GZMK: variants seen among roughly 807,000 people sequenced by gnomAD.
The protein encoded by GZMK is NK-Tryp-2.
Under a neutral mutation model 22.8 loss-of-function variants are expected in GZMK, and 18 were observed. That is an observed-to-expected ratio of 0.79 (90% confidence interval 0.54 to 1.17). GZMK has a LOEUF of 1.17. GZMK is among the 50% of genes most tolerant of loss of function. The probability of loss-of-function intolerance (pLI) is 0.00; values close to 1 mark genes in which losing one functional copy is unlikely to be tolerated. For missense variants in GZMK, 342 were observed against 320.2 expected (o/e 1.07, Z -0.52); for synonymous variants, 136 against 115.0 (o/e 1.18, Z -1.17).
In GZMK at chr5:55,033,895, A is replaced by G. The variant is rs1741276248; in HGVS notation, c.764A>G (p.Lys255Arg). ...ACCAAGAAATACCAGACTTGGATCA[A>G]AAGCAACCTTGTCCCGCCTCATACA... The part of the protein sequence containing the change: ...LLTKKYQTWI[K>R]SNLVPPHTN Residue 255 changes from lysine (K) to arginine (R), a missense_variant, in exon 5 of 5, where the codon AAA becomes AGA. Coordinates refer to ENST00000231009, the MANE Select transcript of GZMK (RefSeq NM_002104.3). 6.2e-7 allele frequency: 1 copy of G among 1,612,386 alleles called. No homozygotes were observed.
chr5:55,031,199 A>G (rs555620476), intron 3 of GZMK, among the ~76,000 whole-genome samples, 165 bp from the exon 4 acceptor site: 2 of 152,352 alleles, frequency 1.3e-5, no homozygotes, highest in Admixed American at 6.5e-5. Context: ...AGTAGAGAGC[A>G]TGGTCAGAAA....
Position 55,024,292 on chromosome 5 carries a change from C to T in GZMK, c.-31C>T, listed in dbSNP as rs1741108978. On this transcript the variant is annotated 5_prime_UTR_variant, in exon 1 of 5. Coordinates refer to ENST00000231009, the MANE Select transcript of GZMK (RefSeq NM_002104.3). ...CCTTCATCACAGGATCAACACATTT[C>T]ATCTGGGCTTCTTAAATCTAAATCT... 2 of 1,034,058 alleles carry T rather than the reference C, an allele frequency of 1.9e-6. No individual in the cohort carries two copies. The highest frequency in any genetic ancestry group is 2.0e-4 in the Middle Eastern group (1 of 4,932). The allele number at this position is 1,034,058 out of a possible 1,614,324, so 64.1% of individuals were successfully genotyped here.
rs573855509 is a variant in GZMK, at chr5:55,031,612, A to G, written c.612A>G (p.Lys204=). 6.2e-7 allele frequency: 1 copy of G among 1,613,482 alleles called. No homozygotes were observed. Among genetic ancestry groups the G allele is most frequent in the African/African-American group, 1.3e-5 (1 of 75,040 alleles). The change falls in exon 4 of 5, where the codon AAA becomes AAG. Residue 204 remains lysine, a synonymous_variant. Transcript: ENST00000231009. ...ACATGGTCTGTGCAGGAGATGCCAA[A>G]GGCCAGAAGGATTCCTGTAAGGTAA... is the stretch of plus-strand genomic sequence containing the variant. ...TKDMVCAGDA[K]GQKDSCKGDS...
At chr5:55,026,749 C>T (rs1318051885) in intron 2 of GZMK, 4 of 152,134 alleles carry the variant, frequency 2.6e-5, no homozygotes, top group African/African-American at 9.7e-5. Context: ...ATTCTGGCCC[C>T]TTTATTAGTT....
intron 2 of GZMK, among the ~76,000 whole-genome samples, chr5:55,026,554 A>T (rs1010558471): frequency 6.6e-6 from 1 of 152,188 alleles, no homozygotes; most frequent in African/African-American, 2.4e-5. Context: ...TGGTTGGAAA[A>T]ATATTAAGCT....
intron 2 of GZMK, chr5:55,028,724 A>G (rs529962143): frequency 6.6e-6 from 1 of 152,360 alleles, no homozygotes; most frequent in African/African-American, 2.4e-5. Context: ...ACAAACAAAT[A>G]CAATTAAAAG....
intron 3 of GZMK, 48 bp downstream of exon 3, chr5:55,030,632 AG>A: frequency 6.9e-7 from 1 of 1,443,692 alleles, no homozygotes; most frequent in Non-Finnish European, 9.7e-7. Flanking sequence ...ATTTTTATAC[AG>A]GATGGCTCAA....
chr5:55,024,963 G>C, intron 2 of GZMK, 156 bp downstream of exon 2: 3 of 500,828 alleles, frequency 6.0e-6, no homozygotes, highest in Non-Finnish European at 7.0e-6. Flanking sequence ...CCACATCCAC[G>C]CTTTCTGTCT....
At chr5:55,028,205 C>G (rs1227400138) in intron 2 of GZMK, 1 of 152,130 alleles carries the variant, frequency 6.6e-6, no homozygotes, top group Non-Finnish European at 1.5e-5. Context: ...CCCTCCATAC[C>G]TCTCATTTGT....
In GZMK at chr5:55,034,007, G is replaced by A; in HGVS notation, c.*81G>A. 1 of 1,074,352 alleles carries A rather than the reference G, an allele frequency of 9.3e-7. No individual in the cohort carries two copies. The highest frequency in any genetic ancestry group is 1.4e-6 in the Non-Finnish European group (1 of 738,932). 66.6% of individuals were successfully genotyped at this position (1,074,352 alleles called of 1,614,324 possible). ...GTTAGAGTTGGGTGTAAGTAAAGCA[G>A]AGCACATATGGGGTCCATTTTTGCA... On this transcript the variant is annotated 3_prime_UTR_variant, in exon 5 of 5. Transcript: ENST00000231009.
At chr5:55,032,944 T>A (rs1364033448) in intron 4 of GZMK, among the ~76,000 whole-genome samples, 2 of 152,206 alleles carry the variant, frequency 1.3e-5, no homozygotes, top group African/African-American at 4.8e-5. Context: ...AAATGTCTTG[T>A]GCATCTGCAG....
chr5:55,030,424 C>CT lies in GZMK; in HGVS notation c.213-3dup, dbSNP rs770582420. The CT allele has an allele frequency of 6.2e-7, 1 of 1,611,506 alleles. No individual in the cohort carries two copies. Among genetic ancestry groups the CT allele is most frequent in the Non-Finnish European group, 8.5e-7 (1 of 1,179,100 alleles). On this transcript the variant is annotated splice_polypyrimidine_tract_variant and intron_variant, in intron 2 of 4. Coordinates refer to ENST00000231009, the MANE Select transcript of GZMK (RefSeq NM_002104.3). ...CATTCTGCTGCTTTCATTGTCTTTGCTTTTTTTAGGTTTACCAAAGGCCAG... is the reference window on the plus strand; with the variant it reads ...CATTCTGCTGCTTTCATTGTCTTTGCTTTTTTTTAGGTTTACCAAAGGCCAG...
At position 55,031,505 on chromosome 5, in the gene GZMK, C is replaced by T. The variant is rs372763068; in HGVS notation, c.505C>T (p.Arg169Ter). 9.3e-6 allele frequency: 15 copies of T among 1,613,942 alleles called. No individual in the cohort carries two copies. In the African/African-American group the frequency reaches 1.2e-4, roughly 13 times the overall value. Residue 169 changes from arginine to a stop codon, truncating the protein, a stop_gained, in exon 4 of 5, where the codon CGA (arginine) becomes TGA (stop). Transcript: ENST00000231009. LOFTEE classifies it high-confidence loss of function. The stretch of plus-strand genomic sequence containing the variant: ...TTCATTAAGACCTTCTGACACCCTG[C>T]GAGAAGTCACTGTTACTGTCCTAAG... ...PDSLRPSDTLREVTVTVLSRK... is the reference protein window; with the variant it reads ...PDSLRPSDTL
intron 2 of GZMK, among the ~76,000 whole-genome samples, chr5:55,027,795 T>A (rs1456833095): frequency 6.6e-6 from 1 of 152,206 alleles, no homozygotes; most frequent in African/African-American, 2.4e-5. Context: ...AAACCACATT[T>A]TAAACCAACA....
chr5:55,029,838 G>C (rs1269988906), intron 2 of GZMK, among the ~76,000 whole-genome samples: 1 of 152,100 alleles, frequency 6.6e-6, no homozygotes, highest in Admixed American at 6.5e-5. Flanking sequence ...TTACAGGCAT[G>C]AGCCACCACA....
Position 55,033,861 on chromosome 5 carries a change from A to G in GZMK, c.730A>G (p.Thr244Ala), listed in dbSNP as rs1741275449. ...TGTTGCCACAAAGCCTGGAATCTAC[A>G]CCCTGTTAACCAAGAAATACCAGAC... ...CGVATKPGIY[T>A]LLTKKYQTWI... The change falls in exon 5 of 5, where the codon ACC (threonine) becomes GCC (alanine). Residue 244 changes from threonine to alanine, a missense_variant. Physicochemically the swap from Thr to Ala is moderately conservative, Grantham distance 58. Coordinates refer to ENST00000231009, the MANE Select transcript of GZMK (RefSeq NM_002104.3). 4 of 1,613,696 alleles carry G rather than the reference A, an allele frequency of 2.5e-6. No individual in the cohort carries two copies. The highest frequency in any genetic ancestry group is 2.5e-6 in the Non-Finnish European group (3 of 1,179,620).
chr5:55,033,725 CA>C (rs765711399), intron 4 of GZMK, 39 bp from the exon 5 acceptor site: 48 of 1,538,882 alleles, frequency 3.1e-5, no homozygotes, highest in Non-Finnish European at 4.1e-5. Flanking sequence ...AATATCCCAA[CA>C]GCTTCTTACC....
chr5:55,033,868 T>C lies in GZMK; in HGVS notation c.737T>C (p.Leu246Ser). Reference sequence around the variant, plus strand: ...ACAAAGCCTGGAATCTACACCCTGTTAACCAAGAAATACCAGACTTGGATC... The same window carrying C: ...ACAAAGCCTGGAATCTACACCCTGTCAACCAAGAAATACCAGACTTGGATC... ...VATKPGIYTLLTKKYQTWIKS... is the reference protein window; with the variant it reads ...VATKPGIYTLSTKKYQTWIKS... The change falls in exon 5 of 5, where the codon TTA becomes TCA. Residue 246 changes from leucine (L) to serine (S), a missense_variant. By Grantham distance (145) the Leu-to-Ser change is moderately radical. Coordinates refer to ENST00000231009, the MANE Select transcript of GZMK (RefSeq NM_002104.3). 5 of 1,613,852 alleles carry C rather than the reference T, an allele frequency of 3.1e-6. No homozygotes were observed. Among genetic ancestry groups the C allele is most frequent in the Non-Finnish European group, 4.2e-6 (5 of 1,179,736 alleles).
chr5:55,026,257 C>T (rs1741141737), intron 2 of GZMK, among the ~76,000 whole-genome samples: 2 of 152,146 alleles, frequency 1.3e-5, no homozygotes, highest in Admixed American at 6.5e-5. Context: ...TGAAAAAGTG[C>T]TTCACTAGCC....
Sources: gnomAD v4.1 joint callset for allele counts (sites outside exome capture counted in the v4.1 genomes callset) on GRCh38, gnomAD v4.1.1 for gene constraint, MANE v1.5 for transcripts, NCBI Gene and HGNC (gene_info 2026-07-23, HGNC 2026-07-21) for gene names.